Variants in DOCK1 observed in about 807,000 individuals in gnomAD.
The protein encoded by DOCK1 is dedicator of cytokinesis 1.
In DOCK1, 138 loss-of-function variants were observed where a neutral mutation model predicts 262.7. That is an observed-to-expected ratio of 0.53 (90% confidence interval 0.46 to 0.61). The LOEUF (loss-of-function observed/expected upper bound fraction) is 0.61. Among genes scored for constraint, DOCK1 ranks in the 20% least tolerant of loss-of-function variants. The pLI is 0.00. For synonymous variants in DOCK1, 866 were observed against 867.4 expected (o/e 1.00, Z 0.03); for missense variants, 1,908 against 2,370.7 (o/e 0.80, Z 4.05).
intron 11 of DOCK1, among the ~76,000 whole-genome samples, chr10:127,011,769 A>C (rs1397945565): frequency 6.6e-6 from 1 of 151,848 alleles, no homozygotes; most frequent in Non-Finnish European, 1.5e-5. Flanking sequence ...CTTTGCAAGC[A>C]GTTAGGTTCC....
chr10:126,912,795 A>G (rs1424446326), intron 1 of DOCK1, among the ~76,000 whole-genome samples: 1 of 151,838 alleles, frequency 6.6e-6, no homozygotes, highest in Non-Finnish European at 1.5e-5. Context: ...TACCGTAAAG[A>G]CCACACTTTG....
At chr10:126,922,853 A>G (rs1413633250) in intron 1 of DOCK1, among the ~76,000 whole-genome samples, 2 of 152,232 alleles carry the variant, frequency 1.3e-5, no homozygotes, top group African/African-American at 4.8e-5. Context: ...GCTCACGCCT[A>G]TAATTCCAGC....
chr10:127,185,826 ACT>A (rs2056179009), intron 27 of DOCK1, among the ~76,000 whole-genome samples: 1 of 152,142 alleles, frequency 6.6e-6, no homozygotes, highest in Non-Finnish European at 1.5e-5. Context: ...TGGCACACAC[ACT>A]CACAAAAATG....
At chr10:127,294,650 ATTT>A (rs34901936) in intron 29 of DOCK1, among the ~76,000 whole-genome samples, 38 of 127,622 alleles carry the variant, frequency 3.0e-4, no homozygotes, top group African/African-American at 6.9e-4. Flanking sequence ...GAGTTGTCCT[ATTT>A]TTTTTTTTTT....
At chr10:127,137,794 G>T in intron 27 of DOCK1, 1 of 1,554,896 alleles carries the variant, frequency 6.4e-7, no homozygotes. Flanking sequence ...TTAAACTCCA[G>T]TGGGTTCTAA....
At chr10:127,296,881 C>T (rs1388584554) in intron 29 of DOCK1, among the ~76,000 whole-genome samples, 1 of 152,204 alleles carries the variant, frequency 6.6e-6, no homozygotes, top group Non-Finnish European at 1.5e-5. Context: ...GCCGCTCAGC[C>T]ACGGCAGCTG....
intron 43 of DOCK1, among the ~76,000 whole-genome samples, chr10:127,413,256 C>T (rs775960428): frequency 2.6e-5 from 4 of 152,164 alleles, no homozygotes; most frequent in East Asian, 1.9e-4. Context: ...CTAAGAATAA[C>T]GAAGGCTCTT....
chr10:127,307,886 T>C (rs1433034122), intron 29 of DOCK1, among the ~76,000 whole-genome samples: 3 of 152,214 alleles, frequency 2.0e-5, no homozygotes, highest in Non-Finnish European at 4.4e-5. Context: ...CCTGGAATTG[T>C]CACAATGCAG....
chr10:127,436,357 A>T (rs1183385388), intron 48 of DOCK1, among the ~76,000 whole-genome samples: 9 of 152,094 alleles, frequency 5.9e-5, no homozygotes, highest in Admixed American at 3.9e-4. Flanking sequence ...TCTCTACAAA[A>T]AAATATAAAA....
At chr10:127,333,507 A>G (rs1476721080) in intron 29 of DOCK1, among the ~76,000 whole-genome samples, 1 of 152,220 alleles carries the variant, frequency 6.6e-6, no homozygotes, top group Admixed American at 6.5e-5. Flanking sequence ...CCCTCAGCTC[A>G]ATTAACATAT....
chr10:127,167,975 A>G (rs1236014647), intron 27 of DOCK1, among the ~76,000 whole-genome samples: 1 of 152,210 alleles, frequency 6.6e-6, no homozygotes, highest in Non-Finnish European at 1.5e-5. Context: ...ACTGAGTGCA[A>G]ACATAGCCTG....
At chr10:127,246,613 T>C (rs1203603425) in intron 27 of DOCK1, among the ~76,000 whole-genome samples, 1 of 152,230 alleles carries the variant, frequency 6.6e-6, no homozygotes, top group African/African-American at 2.4e-5. Flanking sequence ...CATTCACAAA[T>C]AATTTATATT....
intron 1 of DOCK1, among the ~76,000 whole-genome samples, chr10:126,951,268 GGTA>G (rs1379066509): frequency 1.3e-5 from 2 of 151,508 alleles, no homozygotes; most frequent in African/African-American, 4.9e-5. Flanking sequence ...TAGTGGTGGT[GGTA>G]GTATTGTTGG....
chr10:127,419,613 A>G, intron 45 of DOCK1, 53 bp from the exon 46 acceptor site: 1 of 1,528,708 alleles, frequency 6.5e-7, no homozygotes, highest in East Asian at 2.4e-5. Context: ...AAGTGTGCAA[A>G]AACCTGTGTT....
At chr10:127,034,294 G>GAGAGAGAGAGAA (rs1473897073) in intron 18 of DOCK1, among the ~76,000 whole-genome samples, 1 of 151,924 alleles carries the variant, frequency 6.6e-6, no homozygotes, top group African/African-American at 2.4e-5. Flanking sequence ...GCCGCAGGCA[G>GAGAGAGAGAGAA]AGAGAGAGAG....
chr10:127,321,023 T>C (rs1172998564), intron 29 of DOCK1, among the ~76,000 whole-genome samples: 4 of 152,084 alleles, frequency 2.6e-5, no homozygotes, highest in African/African-American at 4.8e-5. Flanking sequence ...ATGAAATCTG[T>C]TCTACTGCAG....
chr10:127,114,942 A>C (rs1362122737), intron 25 of DOCK1, among the ~76,000 whole-genome samples: 1 of 152,004 alleles, frequency 6.6e-6, no homozygotes, highest in Non-Finnish European at 1.5e-5. Flanking sequence ...TTTTCAGTAG[A>C]GACGCGGTTT....
intron 12 of DOCK1, chr10:127,016,483 A>C (rs1310846187): frequency 6.6e-6 from 1 of 152,284 alleles, no homozygotes; most frequent in Non-Finnish European, 1.5e-5. Context: ...AGGTGCCGGC[A>C]CCGCTGTCGG....
At chr10:127,318,998 C>T (rs1667351466) in intron 29 of DOCK1, among the ~76,000 whole-genome samples, 2 of 152,190 alleles carry the variant, frequency 1.3e-5, no homozygotes, top group Non-Finnish European at 2.9e-5. Context: ...GCCAAAGGGT[C>T]CCCTCTGTGA....
Sources: allele counts gnomAD v4.1 joint callset (sites outside exome capture counted in the v4.1 genomes callset), GRCh38; gene constraint gnomAD v4.1.1; transcripts MANE v1.5; gene names NCBI Gene and HGNC (gene_info 2026-07-23, HGNC 2026-07-21).